Variants in COQ8A observed in about 807,000 individuals in gnomAD.
COQ8A encodes the protein coenzyme Q8A.
Under a neutral mutation model 65.0 loss-of-function variants are expected in COQ8A, and 51 were observed. The observed-to-expected ratio is 0.78, with a 90% CI of 0.63 to 0.99. COQ8A has a LOEUF of 0.99. Among genes scored for constraint, COQ8A ranks in the 50% least tolerant of loss-of-function variants. COQ8A has a pLI of 0.00. For missense variants in COQ8A, 940 were observed against 875.0 expected, an observed-to-expected ratio of 1.07 and a Z score of -0.94; for synonymous variants, 371 against 353.2, an observed-to-expected ratio of 1.05 and a Z score of -0.57.
chr1:226,982,968 C>A lies in COQ8A; in HGVS notation c.1014C>A (p.Ala338=). The A allele has an allele frequency of 6.2e-7, 1 of 1,604,508 alleles. No homozygotes were observed. Among genetic ancestry groups the A allele is most frequent in the Non-Finnish European group, 8.5e-7 (1 of 1,176,162 alleles). Residue 338 remains alanine, a synonymous_variant, in exon 8 of 15, where the codon GCC becomes GCA. Coordinates refer to ENST00000366777, the MANE Select transcript of COQ8A (RefSeq NM_020247.5). ...ACTTCGAGGAGCGGCCCTTCGCCGCCGCATCCATTGGGCAGGTGCACTTGG... is the reference window on the plus strand; with the variant it reads ...ACTTCGAGGAGCGGCCCTTCGCCGCAGCATCCATTGGGCAGGTGCACTTGG... ...LEYFEERPFA[A]ASIGQVHLAR...
chr1:226,957,443 A>G (rs1316056918), intron 1 of COQ8A, among the ~76,000 whole-genome samples: 1 of 152,188 alleles, frequency 6.6e-6, no homozygotes, highest in African/African-American at 2.4e-5. Flanking sequence ...AACAGACACC[A>G]TGCTTTGCTG....
intron 4 of COQ8A, among the ~76,000 whole-genome samples, chr1:226,973,367 G>A (rs774168084): frequency 1.3e-5 from 2 of 152,216 alleles, no homozygotes; most frequent in Non-Finnish European, 2.9e-5. Flanking sequence ...ATTCTCTCCT[G>A]TTACAGATGA....
intron 1 of COQ8A, among the ~76,000 whole-genome samples, chr1:226,955,707 C>T (rs1657678469): frequency 7.3e-6 from 1 of 137,154 alleles, no homozygotes; most frequent in Admixed American, 7.0e-5. Context: ...CTGGCTCCCA[C>T]TCCCTGGTTC....
intron 4 of COQ8A, among the ~76,000 whole-genome samples, chr1:226,967,014 G>A (rs764072296): frequency 6.6e-6 from 1 of 152,130 alleles, no homozygotes; most frequent in Non-Finnish European, 1.5e-5. Context: ...AGCCATTCAG[G>A]AATTTAGTAT....
intron 4 of COQ8A, among the ~76,000 whole-genome samples, chr1:226,966,918 C>T (rs1658605608): frequency 6.6e-6 from 1 of 152,110 alleles, no homozygotes; most frequent in South Asian, 2.1e-4. Context: ...AGGTGCTGAG[C>T]AGACTTGGTT....
intron 4 of COQ8A, among the ~76,000 whole-genome samples, chr1:226,976,171 GCTGCGGGGCTGCGGGA>G (rs1224730466): frequency 2.3e-4 from 5 of 21,932 alleles, no homozygotes; most frequent in African/African-American, 5.0e-4. Context: ...ATGTTGCCTG[GCTGCGGGGCTGCGGGA>G]CTGCGGGGCT....
Position 226,978,757 on chromosome 1 carries a change from C to A in COQ8A, c.730+1234C>A, listed in dbSNP as rs1378338511. On this transcript the variant is annotated intron_variant, in intron 5 of 14. Coordinates refer to ENST00000366777, the MANE Select transcript of COQ8A (RefSeq NM_020247.5). Reference sequence around the variant, plus strand: ...CCTGCACACCTCCTTACACACCCACCTCACACCCGCATACCTCCGTACACA... The same window carrying A: ...CCTGCACACCTCCTTACACACCCACATCACACCCGCATACCTCCGTACACA... 3.5e-5 allele frequency among the ~76,000 whole-genome samples: 4 copies of A among 115,790 alleles called. 1 individual carries two copies. The highest frequency in any genetic ancestry group is 1.1e-4 in the African/African-American group (4 of 36,082). 76.0% of individuals were successfully genotyped at this position (115,790 alleles called of 152,430 possible).
chr1:226,983,246 C>T (rs1189168503), intron 8 of COQ8A: 1 of 818,630 alleles, frequency 1.2e-6, no homozygotes, highest in Non-Finnish European at 1.9e-6. Context: ...CACAGAGGGG[C>T]CCCCAGCAAG....
chr1:226,986,348 A>C, intron 14 of COQ8A, 105 bp from the exon 15 acceptor site: 1 of 1,292,250 alleles, frequency 7.7e-7, no homozygotes, highest in Non-Finnish European at 1.1e-6. Context: ...AGTTTACAGC[A>C]GAGCTTTGAA....
intron 13 of COQ8A, 21 bp from the exon 14 acceptor site, chr1:226,985,233 C>T (rs1660016841): frequency 3.7e-6 from 6 of 1,612,010 alleles, no homozygotes; most frequent in South Asian, 1.1e-5. Context: ...GCCCACGGTC[C>T]CCTCCTGTGC....
At chr1:226,951,274 T>C (rs1475472575) in intron 1 of COQ8A, among the ~76,000 whole-genome samples, 2 of 152,178 alleles carry the variant, frequency 1.3e-5, no homozygotes, top group African/African-American at 4.8e-5. Flanking sequence ...TGGATGATTT[T>C]ATATCAGCCC....
intron 2 of COQ8A, among the ~76,000 whole-genome samples, chr1:226,963,384 A>G (rs1658371422): frequency 2.0e-5 from 3 of 152,160 alleles, no homozygotes. Flanking sequence ...GGTTGCTTCC[A>G]CATTCATTCA....
In COQ8A at chr1:226,961,645, A is replaced by G. The variant is rs1026113393; in HGVS notation, c.177+83A>G. On this transcript the variant is annotated intron_variant, in intron 2 of 14. Coordinates refer to ENST00000366777, the MANE Select transcript of COQ8A (RefSeq NM_020247.5). ...CTGGGGGAGACCAAGGGCTGTGACC[A>G]TGGCAACTGGTCTTTGGTGGCCAGG... 12 of 1,482,704 alleles carry G rather than the reference A, an allele frequency of 8.1e-6. No individual in the cohort carries two copies. The Admixed American group carries it at 2.2e-4, about 27-fold the overall frequency. 91.8% of individuals were successfully genotyped at this position (1,482,704 alleles called of 1,614,324 possible).
At chr1:226,961,640 TG>T in intron 2 of COQ8A, 78 bp downstream of exon 2, 1 of 1,494,766 alleles carries the variant, frequency 6.7e-7, no homozygotes, top group Middle Eastern at 2.3e-4. Context: ...CCAAGGGCTG[TG>T]ACCATGGCAA....
chr1:226,964,973 C>T (rs1434005343), intron 2 of COQ8A, 27 bp from the exon 3 acceptor site: 1 of 1,612,894 alleles, frequency 6.2e-7, no homozygotes, highest in Non-Finnish European at 8.5e-7. Flanking sequence ...CTCTTGCTCT[C>T]CTAATGCTGG....
chr1:226,961,106 T>C (rs1658226901), intron 1 of COQ8A, among the ~76,000 whole-genome samples: 1 of 152,162 alleles, frequency 6.6e-6, no homozygotes, highest in East Asian at 1.9e-4. Flanking sequence ...AGGGTGCTTG[T>C]GAGGCCCAGG....
chr1:226,974,763 G>T (rs1056628100), intron 4 of COQ8A: 1 of 152,872 alleles, frequency 6.5e-6, no homozygotes, highest in Non-Finnish European at 1.5e-5. Context: ...CCTGGCACTG[G>T]GCTGGTCGGT....
Position 226,986,798 on chromosome 1 carries a change from C to G in COQ8A, c.*61C>G. 6.3e-7 allele frequency: 1 copy of G among 1,575,812 alleles called. No individual in the cohort carries two copies. Among genetic ancestry groups the G allele is most frequent in the Non-Finnish European group, 8.6e-7 (1 of 1,164,698 alleles). ...CTCTCTCCCTCAGACAGGCCAAAAA[C>G]CAGTAGCGAGGTCGTGGTGATGCTC... On this transcript the variant is annotated 3_prime_UTR_variant, in exon 15 of 15. Coordinates refer to ENST00000366777, the MANE Select transcript of COQ8A (RefSeq NM_020247.5).
At chr1:226,964,904 A>G in intron 2 of COQ8A, 96 bp from the exon 3 acceptor site, 1 of 1,410,792 alleles carries the variant, frequency 7.1e-7, no homozygotes, top group Non-Finnish European at 9.9e-7. Context: ...AGGGGGCGGG[A>G]TGCTGGTGGT....
Sources: gnomAD v4.1 joint callset for allele counts (sites outside exome capture counted in the v4.1 genomes callset) on GRCh38, gnomAD v4.1.1 for gene constraint, MANE v1.5 for transcripts, NCBI Gene and HGNC (gene_info 2026-07-23, HGNC 2026-07-21) for gene names.